Variants in SLC7A11 observed in about 807,000 individuals in gnomAD.
SLC7A11 encodes the protein cystine/glutamate transporter.
In SLC7A11, 35 loss-of-function variants were observed where a neutral mutation model predicts 54.5. The observed-to-expected ratio is 0.64, with a 90% CI of 0.49 to 0.85. The LOEUF (loss-of-function observed/expected upper bound fraction) is 0.85, where lower values mean the gene tolerates loss of function less well. SLC7A11 is among the 40% of genes least tolerant of loss of function. SLC7A11 has a pLI of 0.00. For synonymous variants in SLC7A11, 230 were observed against 225.2 expected, an observed-to-expected ratio of 1.02 and a Z score of -0.19; for missense variants, 583 against 618.1, an observed-to-expected ratio of 0.94 and a Z score of 0.60.
At chr4:138,173,274 T>C (rs1466780108) in intron 11 of SLC7A11, among the ~76,000 whole-genome samples, 1 of 152,114 alleles carries the variant, frequency 6.6e-6, no homozygotes, top group Non-Finnish European at 1.5e-5. Flanking sequence ...ATAGAGTCTT[T>C]CTCCTCATTC....
chr4:138,241,730 T>C, intron 1 of SLC7A11, 63 bp downstream of exon 1: 1 of 1,336,732 alleles, frequency 7.5e-7, no homozygotes, highest in East Asian at 2.3e-5. Context: ...CCATTTGCTT[T>C]CCCAGAAAGC....
chr4:138,223,386 T>A (rs978652814), intron 3 of SLC7A11, 62 bp from the exon 4 acceptor site: 2 of 1,570,476 alleles, frequency 1.3e-6, no homozygotes, highest in Non-Finnish European at 1.7e-6. Context: ...ACATTTTAGG[T>A]CCTTGTTACT....
At chr4:138,209,194 A>G (rs1737482492) in intron 6 of SLC7A11, among the ~76,000 whole-genome samples, 1 of 152,018 alleles carries the variant, frequency 6.6e-6, no homozygotes, top group East Asian at 1.9e-4. Flanking sequence ...TAGGTCACAA[A>G]TTTAGGAAAA....
At chr4:138,235,499 A>T (rs1738185422) in intron 2 of SLC7A11, among the ~76,000 whole-genome samples, 1 of 152,186 alleles carries the variant, frequency 6.6e-6, no homozygotes. Flanking sequence ...ATAAAAGCTC[A>T]CATGAACTCT....
rs932928299 is a variant in SLC7A11 at position 138,165,361 on chromosome 4, A to G, written c.*6595T>C. On this transcript the variant is annotated 3_prime_UTR_variant, in exon 12 of 12. Transcript: ENST00000280612. ...CTGTCTGTCAGAAAATGAAGACCCAATAAGTTTGCCGAAGTATTCAGTACA... is the reference window on the plus strand; with the variant it reads ...CTGTCTGTCAGAAAATGAAGACCCAGTAAGTTTGCCGAAGTATTCAGTACA... 3 of 152,612 alleles carry G rather than the reference A, an allele frequency of 2.0e-5. No homozygotes were observed. The highest frequency in any genetic ancestry group is 7.2e-5 in the African/African-American group (3 of 41,466). The allele number at this position is 152,612 out of a possible 1,614,324, so 9.5% of individuals were successfully genotyped here.
At position 138,242,094 on chromosome 4, in the gene SLC7A11, A is replaced by T. The variant is rs138660207; in HGVS notation, c.-25T>A. On this transcript the variant is annotated 5_prime_UTR_variant, in exon 1 of 12. Transcript: ENST00000280612. ...TAGTAGGGACACACGGGGGAAAAATAAAACAGAGGGAAAGAAAACAAAACT... is the reference window on the plus strand; with the variant it reads ...TAGTAGGGACACACGGGGGAAAAATTAAACAGAGGGAAAGAAAACAAAACT... 1 of 1,609,048 alleles carries T rather than the reference A, an allele frequency of 6.2e-7. No individual in the cohort carries two copies. The highest frequency in any genetic ancestry group is 8.5e-7 in the Non-Finnish European group (1 of 1,177,102).
rs1186120021 is a variant in SLC7A11, at chr4:138,183,304, G to A, written c.917C>T (p.Thr306Ile). The change falls in exon 8 of 12, where the codon ACC becomes ATC. Residue 306 changes from threonine to isoleucine, a missense_variant and splice_region_variant. Physicochemically the swap from Thr to Ile is moderately conservative, Grantham distance 89. Transcript: ENST00000280612. ...ELLLSNAVAV[T>I]FSERLLGNFS... ...ATTTCCCAGTAGCCGCTCAGAAAAG[G>A]TCTAGTGAAAGAAAGAACGAAGCAA... 3.1e-6 allele frequency: 5 copies of A among 1,605,634 alleles called. No homozygotes were observed. Among genetic ancestry groups the A allele is most frequent in the Non-Finnish European group, 4.3e-6 (5 of 1,174,218 alleles).
rs368640457 is a variant in SLC7A11 at position 138,213,629 on chromosome 4, A to G, written c.791+956T>C. On this transcript the variant is annotated intron_variant, in intron 6 of 11. Transcript: ENST00000280612. ...ACACCTACTCATCATTTGAGACACT[A>G]TTATAAACAACATCTCCCTAGATAC... Among the ~76,000 whole-genome samples, 110 of 151,768 alleles carry G rather than the reference A, an allele frequency of 7.2e-4. 1 individual carries two copies. In the South Asian group the frequency reaches 0.021, roughly 30 times the overall value.
At chr4:138,220,456 G>GTT (rs60759105) in intron 4 of SLC7A11, among the ~76,000 whole-genome samples, 11 of 151,660 alleles carry the variant, frequency 7.3e-5, no homozygotes, top group East Asian at 3.9e-4. Flanking sequence ...AGAATGACAT[G>GTT]TTTTTTTTCC....
In SLC7A11 at chr4:138,215,540, T is replaced by A. The variant is rs562788255; in HGVS notation, c.747-911A>T. Among the ~76,000 whole-genome samples the A allele has an allele frequency of 5.9e-5, 9 of 152,222 alleles. No individual in the cohort carries two copies. The South Asian group carries it at 1.9e-3, about 32-fold the overall frequency. On this transcript the variant is annotated intron_variant, in intron 5 of 11. Coordinates refer to ENST00000280612, the MANE Select transcript of SLC7A11 (RefSeq NM_014331.4). ...AAGGACTGTTTTAAGTAGAAATAAT[T>A]GAGGAGCTGACAGAACAGTAGCAGT...
intron 6 of SLC7A11, among the ~76,000 whole-genome samples, chr4:138,200,725 C>T (rs1737258461): frequency 6.6e-6 from 1 of 152,058 alleles, no homozygotes; most frequent in Non-Finnish European, 1.5e-5. Flanking sequence ...TTGATGGTTC[C>T]TCCCCTCCTA....
At chr4:138,234,255 A>G (rs1738152402) in intron 2 of SLC7A11, among the ~76,000 whole-genome samples, 2 of 152,232 alleles carry the variant, frequency 1.3e-5, no homozygotes. Context: ...TGCTGTGTAC[A>G]GATAGATAAT....
In SLC7A11 at chr4:138,197,750, A is replaced by G. The variant is rs151045164; in HGVS notation, c.792-12506T>C. Among the ~76,000 whole-genome samples the G allele has an allele frequency of 6.9e-3, 1,042 of 152,026 alleles. 6 individuals are homozygous for G. The highest frequency in any genetic ancestry group is 0.023 in the African/African-American group (940 of 41,542). On this transcript the variant is annotated intron_variant, in intron 6 of 11. Coordinates refer to ENST00000280612, the MANE Select transcript of SLC7A11 (RefSeq NM_014331.4). ...GACTTATTCAGAGAAAAATAATAAT[A>G]ATTGAGGCTACTTTTCCCTTCAGAT...
Position 138,165,146 on chromosome 4 carries a change from T to C in SLC7A11, c.*6810A>G, listed in dbSNP as rs1009088398. On this transcript the variant is annotated 3_prime_UTR_variant, in exon 12 of 12. Coordinates refer to ENST00000280612, the MANE Select transcript of SLC7A11 (RefSeq NM_014331.4). ...CAACTGAAAATGAAGTTACCATTCC[T>C]AGGCCAAATTTTTAGACAAAGCTTT... The C allele has an allele frequency of 1.6e-4, 24 of 152,616 alleles. No homozygotes were observed. Among genetic ancestry groups the C allele is most frequent in the African/African-American group, 5.5e-4 (23 of 41,462 alleles). The allele number at this position is 152,616 out of a possible 1,614,324, so 9.5% of individuals were successfully genotyped here.
rs1463478261 is a variant in SLC7A11, at chr4:138,168,333, T to A, written c.*3623A>T. The A allele has an allele frequency of 3.3e-5, 5 of 152,224 alleles. No homozygotes were observed. Among genetic ancestry groups the A allele is most frequent in the Admixed American group, 2.6e-4 (4 of 15,284 alleles). The allele number at this position is 152,224 out of a possible 1,614,324, so 9.4% of individuals were successfully genotyped here. ...GACTATATTGCATAACATTAAAATA[T>A]TGTTACCTTCAGTCCATACTATCTT... On this transcript the variant is annotated 3_prime_UTR_variant, in exon 12 of 12. Transcript: ENST00000280612.
chr4:138,235,274 C>T (rs77121284), intron 2 of SLC7A11, among the ~76,000 whole-genome samples: 4,746 of 152,018 alleles, frequency 0.031, 118 homozygotes, highest in African/African-American at 0.064. Context: ...GAAGTGCATT[C>T]CTGATAGAGG....
Position 138,170,883 on chromosome 4 carries a change from G to A in SLC7A11, c.*1073C>T, listed in dbSNP as rs1736408748. The stretch of plus-strand genomic sequence containing the variant: ...TAATCTGGACAGTTTCATCTGAAGA[G>A]ATATTTTAACAGAAGAATATAAAAT... On this transcript the variant is annotated 3_prime_UTR_variant, in exon 12 of 12. Transcript: ENST00000280612. 1 of 152,052 alleles carries A rather than the reference G, an allele frequency of 6.6e-6. No individual in the cohort carries two copies. Among genetic ancestry groups the A allele is most frequent in the African/African-American group, 2.4e-5 (1 of 41,396 alleles). The allele number at this position is 152,052 out of a possible 1,614,324, so 9.4% of individuals were successfully genotyped here. A position where few individuals can be genotyped will look rare whatever the true frequency, so the allele number is the denominator to read the frequency against.
rs193108287 is a variant in SLC7A11 at position 138,167,767 on chromosome 4, T to C, written c.*4189A>G. 33 of 152,314 alleles carry C rather than the reference T, an allele frequency of 2.2e-4. No homozygotes were observed. The highest frequency in any genetic ancestry group is 7.5e-4 in the African/African-American group (31 of 41,584). 9.4% of individuals were successfully genotyped at this position (152,314 alleles called of 1,614,324 possible). A position where few individuals can be genotyped will look rare whatever the true frequency, so the allele number is the denominator to read the frequency against. ...ACTCTGTAAACTTGATCAGCACTAA[T>C]GTACAACATATTATGGAGGGTAAAG... On this transcript the variant is annotated 3_prime_UTR_variant, in exon 12 of 12. Transcript: ENST00000280612.
chr4:138,180,754 G>C lies in SLC7A11; in HGVS notation c.1153C>G (p.Leu385Val). ...CTGAGGAAATTCAAAAGACTGTCGA[G>C]GTCTCCAGAGAAGAGCATTATCATT... Reference protein sequence around the residue: ...LTMIMLFSGDLDSLLNFLSFA... With the variant: ...LTMIMLFSGDVDSLLNFLSFA... Residue 385 changes from leucine to valine, a missense_variant, in exon 10 of 12, where the codon CTC (leucine) becomes GTC (valine). Coordinates refer to ENST00000280612, the MANE Select transcript of SLC7A11 (RefSeq NM_014331.4). 6.2e-7 allele frequency: 1 copy of C among 1,612,768 alleles called. No individual in the cohort carries two copies. Among genetic ancestry groups the C allele is most frequent in the Non-Finnish European group, 8.5e-7 (1 of 1,179,338 alleles).
Sources: allele counts gnomAD v4.1 joint callset (sites outside exome capture counted in the v4.1 genomes callset), GRCh38; gene constraint gnomAD v4.1.1; transcripts MANE v1.5; gene names NCBI Gene and HGNC (gene_info 2026-07-23, HGNC 2026-07-21).